Variants in ECPAS observed in about 807,000 individuals in gnomAD.
ECPAS encodes proteasome adapter and scaffold protein ECM29.
In ECPAS, 70 loss-of-function variants were observed where a neutral mutation model predicts 255.1. The observed-to-expected ratio is 0.27, with a 90% CI of 0.23 to 0.33. The LOEUF (loss-of-function observed/expected upper bound fraction) is 0.33. Among genes scored for constraint, ECPAS ranks in the 10% least tolerant of loss-of-function variants. The pLI is 1.00. For synonymous variants in ECPAS, 784 were observed against 775.0 expected, an observed-to-expected ratio of 1.01 and a Z score of -0.19; for missense variants, 1,817 against 2,206.4, an observed-to-expected ratio of 0.82 and a Z score of 3.54.
intron 16 of ECPAS, among the ~76,000 whole-genome samples, chr9:111,418,428 A>T (rs2098207906): frequency 7.3e-6 from 1 of 136,362 alleles, no homozygotes; most frequent in Non-Finnish European, 1.5e-5. Flanking sequence ...TGTACAACTA[A>T]TAACTCATAA....
At position 111,414,648 on chromosome 9, in the gene ECPAS, C is replaced by T. The variant is rs1281299566; in HGVS notation, c.1768G>A (p.Val590Ile). ...GCAAGGCACATGCGCAAGTACAGAA[C>T]GATCTACAAACAGAACGGAGAGGAA... The part of the protein sequence containing the change: ...PFNPAAFGEI[V>I]LYLRMCLAHS... Residue 590 changes from valine (V) to isoleucine (I), a missense_variant, in exon 19 of 50, where the codon GTT (valine) becomes ATT (isoleucine). Around this residue, in one of 4 missense-constraint regions of ECPAS, gnomAD observed 573 missense variants for 716.2 expected, o/e 0.80. Transcript: ENST00000684092. 4.3e-6 allele frequency: 7 copies of T among 1,609,612 alleles called. No individual in the cohort carries two copies. The highest frequency in any genetic ancestry group is 1.1e-5 in the South Asian group (1 of 90,980).
intron 31 of ECPAS, 61 bp downstream of exon 31, chr9:111,389,495 C>T: frequency 7.1e-7 from 1 of 1,407,528 alleles, no homozygotes; most frequent in Admixed American, 2.4e-5. Context: ...GGTTTAAATC[C>T]TATGCATGAC....
chr9:111,437,612 G>A (rs1160712306), intron 6 of ECPAS, among the ~76,000 whole-genome samples: 3 of 152,056 alleles, frequency 2.0e-5, no homozygotes, highest in East Asian at 1.9e-4. Flanking sequence ...ACCTCCAAAC[G>A]GCCACATAAG....
At chr9:111,373,888 G>A in intron 39 of ECPAS, 84 bp downstream of exon 39, 1 of 998,966 alleles carries the variant, frequency 1.0e-6, no homozygotes, top group South Asian at 1.3e-5. Context: ...AGGTCTGAAT[G>A]ATAAGTATTT....
chr9:111,414,567 C>T lies in ECPAS; in HGVS notation c.1849G>A (p.Ala617Thr). The change falls in exon 19 of 50, where the codon GCC becomes ACC. Residue 617 changes from alanine to threonine, a missense_variant. By Grantham distance (58) the Ala-to-Thr change is moderately conservative. Around this residue, in one of 4 missense-constraint regions of ECPAS, gnomAD observed 573 missense variants for 716.2 expected, o/e 0.80. Coordinates refer to ENST00000684092, the MANE Select transcript of ECPAS (RefSeq NM_001364929.1). The part of the protein sequence containing the change: ...SQSLADMQDH[A>T]PAIGRYIRTL... ...CGTATGTAGCGCCCAATGGCTGGGGCATGATCCTGCATATCAGCCAAACTC... is the reference window on the plus strand; with the variant it reads ...CGTATGTAGCGCCCAATGGCTGGGGTATGATCCTGCATATCAGCCAAACTC... 6.2e-7 allele frequency: 1 copy of T among 1,614,000 alleles called. No homozygotes were observed. The highest frequency in any genetic ancestry group is 8.5e-7 in the Non-Finnish European group (1 of 1,179,882).
At chr9:111,362,582 T>TA (rs1211383715) in intron 49 of ECPAS, among the ~76,000 whole-genome samples, 1 of 152,068 alleles carries the variant, frequency 6.6e-6, no homozygotes, top group Non-Finnish European at 1.5e-5. Flanking sequence ...AGAAATGTCA[T>TA]AATTGCAAGG....
intron 4 of ECPAS, 136 bp downstream of exon 4, chr9:111,444,242 A>T: frequency 1.7e-6 from 1 of 597,762 alleles, no homozygotes; most frequent in Non-Finnish European, 2.9e-6. Flanking sequence ...GTCATTTAAA[A>T]AAAAAAAAAA....
intron 21 of ECPAS, 136 bp from the exon 22 acceptor site, chr9:111,411,278 T>C (rs1185632179): frequency 2.3e-6 from 2 of 875,026 alleles, no homozygotes; most frequent in African/African-American, 3.3e-5. Context: ...ACACTCGAGG[T>C]TTCACTGGAT....
chr9:111,385,307 T>C, intron 33 of ECPAS, 30 bp downstream of exon 33: 1 of 1,012,066 alleles, frequency 9.9e-7, no homozygotes, highest in South Asian at 1.6e-5. Context: ...ACTTTTTGTA[T>C]ATATAAATGC....
chr9:111,462,196 T>A (rs1032989203), intron 2 of ECPAS, among the ~76,000 whole-genome samples: 25 of 152,210 alleles, frequency 1.6e-4, no homozygotes, highest in Admixed American at 9.8e-4. Context: ...AAAGATATCT[T>A]AAAACAAGAA....
At chr9:111,430,737 A>G (rs1447600693) in intron 8 of ECPAS, 109 bp from the exon 9 acceptor site, 3 of 712,858 alleles carry the variant, frequency 4.2e-6, no homozygotes, top group Non-Finnish European at 7.4e-6. Context: ...TGTTAGAAAC[A>G]CACAAATGAA....
chr9:111,373,051 G>C (rs2098129322), intron 41 of ECPAS, 119 bp downstream of exon 41: 2 of 898,618 alleles, frequency 2.2e-6, no homozygotes, highest in Admixed American at 2.2e-5. Context: ...GAAAAGAAAA[G>C]AAACAAATGT....
At chr9:111,414,311 G>C in intron 19 of ECPAS, 118 bp downstream of exon 19, 1 of 859,588 alleles carries the variant, frequency 1.2e-6, no homozygotes, top group Non-Finnish European at 1.8e-6. Context: ...AAGAAACAAA[G>C]GCTAATGTTC....
chr9:111,396,463 A>G (rs560120010), intron 25 of ECPAS, among the ~76,000 whole-genome samples: 1 of 152,330 alleles, frequency 6.6e-6, no homozygotes, highest in African/African-American at 2.4e-5. Context: ...ATCCTCGTGA[A>G]AAGAGCACAA....
chr9:111,483,409 G>A (rs1483878495), intron 1 of ECPAS: 32 of 521,042 alleles, frequency 6.1e-5, no homozygotes, highest in South Asian at 2.4e-4. Flanking sequence ...CCCGCCCACC[G>A]GGCCTGGCGC....
intron 4 of ECPAS, 70 bp from the exon 5 acceptor site, chr9:111,442,494 T>C (rs2098247244): frequency 9.4e-6 from 9 of 959,440 alleles, no homozygotes; most frequent in Non-Finnish European, 1.5e-5. Context: ...AATATATGAT[T>C]GATAACTTAG....
At chr9:111,408,505 TAA>T (rs79202070) in intron 24 of ECPAS, 64 bp downstream of exon 24, 48,659 of 835,938 alleles carry the variant, frequency 0.058, no homozygotes, top group South Asian at 0.093. Context: ...AAACTGCACC[TAA>T]AAAAAAAAAA....
chr9:111,401,555 G>C (rs1197532308), intron 24 of ECPAS, among the ~76,000 whole-genome samples: 1 of 152,186 alleles, frequency 6.6e-6, no homozygotes, highest in African/African-American at 2.4e-5. Flanking sequence ...TTTGAGAGCA[G>C]ACAATTAGTC....
At chr9:111,434,896 C>CTTTT (rs3031129) in intron 7 of ECPAS, among the ~76,000 whole-genome samples, 23,496 of 91,832 alleles carry the variant, frequency 0.26, 4,648 homozygotes, top group Non-Finnish European at 0.35. Flanking sequence ...CCACATCTGG[C>CTTTT]TTTTTTTTTT....
Sources: allele counts gnomAD v4.1 joint callset (sites outside exome capture counted in the v4.1 genomes callset), GRCh38; gene constraint gnomAD v4.1.1; regional missense constraint gnomAD v4.1.1; transcripts MANE v1.5; gene names NCBI Gene and HGNC (gene_info 2026-07-23, HGNC 2026-07-21).